The following TPD52L1 variants were observed in gnomAD, a reference collection of about 807,000 sequenced individuals.
TPD52L1 encodes the protein TPD52 like 1, also known as tumor protein D53.
In TPD52L1, 18 loss-of-function variants were observed where a neutral mutation model predicts 28.7. The observed-to-expected ratio is 0.63, with a 90% CI of 0.43 to 0.93. The LOEUF is 0.93. TPD52L1 is among the 40% of genes least tolerant of loss of function. The pLI is 0.00. For missense variants in TPD52L1, 203 were observed against 254.8 expected (o/e 0.80, Z 1.39); for synonymous variants, 75 against 88.8 (o/e 0.84, Z 0.88).
intron 1 of TPD52L1, among the ~76,000 whole-genome samples, chr6:125,200,498 A>T (rs1440519079): frequency 6.6e-6 from 1 of 152,230 alleles, no homozygotes; most frequent in Non-Finnish European, 1.5e-5. Flanking sequence ...ACAGTTATAT[A>T]CGTGCTTATT....
intron 1 of TPD52L1, among the ~76,000 whole-genome samples, chr6:125,219,306 GA>G (rs1313788717): frequency 1.3e-5 from 2 of 152,152 alleles, no homozygotes; most frequent in Admixed American, 1.3e-4. Context: ...TAACAAGTTA[GA>G]AGCTATTCTG....
In TPD52L1 at chr6:125,166,089, A is replaced by C. The variant is rs972518103; in HGVS notation, c.19+12119A>C. On this transcript the variant is annotated intron_variant, in intron 1 of 6. Coordinates refer to ENST00000534000, the MANE Select transcript of TPD52L1 (RefSeq NM_003287.4). ...ATGAGTATTATAATTACTTGTTTAC[A>C]TGGATATGTTTTATTCATTTAACCA... Among the ~76,000 whole-genome samples the C allele has an allele frequency of 3.9e-5, 6 of 152,180 alleles. No homozygotes were observed. In the South Asian group the frequency reaches 8.3e-4, roughly 21 times the overall value.
intron 1 of TPD52L1, among the ~76,000 whole-genome samples, chr6:125,192,752 G>A (rs182631316): frequency 6.6e-6 from 1 of 152,136 alleles, no homozygotes; most frequent in East Asian, 1.9e-4. Context: ...TTGGTGGCGG[G>A]CCTGAGTCTG....
rs116092685 is a variant in TPD52L1, at chr6:125,162,661, A to G, written c.19+8691A>G. ...CATGTTACTTACCATTAATATGACC[A>G]TGAACAAGTTATTCATTTCACTCAA... On this transcript the variant is annotated intron_variant, in intron 1 of 6. Transcript: ENST00000534000. 6.1e-3 allele frequency among the ~76,000 whole-genome samples: 925 copies of G among 152,306 alleles called. 5 individuals carry two copies. Among genetic ancestry groups the G allele is most frequent in the African/African-American group, 0.02 (844 of 41,566 alleles).
At chr6:125,247,890 AC>A (rs1393289063) in intron 3 of TPD52L1, among the ~76,000 whole-genome samples, 3 of 152,112 alleles carry the variant, frequency 2.0e-5, no homozygotes, top group Non-Finnish European at 2.9e-5. Flanking sequence ...TACCTTCAAA[AC>A]CTAAACCTGC....
chr6:125,178,827 G>A (rs1791993397), intron 1 of TPD52L1, among the ~76,000 whole-genome samples: 1 of 152,146 alleles, frequency 6.6e-6, no homozygotes, highest in Non-Finnish European at 1.5e-5. Context: ...TCCCAATAGA[G>A]AGGTGTTACA....
intron 4 of TPD52L1, among the ~76,000 whole-genome samples, chr6:125,250,319 G>A (rs1277964235): frequency 6.6e-6 from 1 of 152,182 alleles, no homozygotes; most frequent in Non-Finnish European, 1.5e-5. Flanking sequence ...GTCTGAGGTG[G>A]AGTCTAGGAA....
chr6:125,259,743 T>C (rs1258518308), intron 6 of TPD52L1, among the ~76,000 whole-genome samples: 1 of 152,228 alleles, frequency 6.6e-6, no homozygotes, highest in East Asian at 1.9e-4. Context: ...CATTACATGT[T>C]TTGTTTCTTT....
At chr6:125,235,101 C>CAAT (rs147249181) in intron 3 of TPD52L1, among the ~76,000 whole-genome samples, 16,260 of 142,470 alleles carry the variant, frequency 0.11, 2,628 homozygotes, top group African/African-American at 0.36. Context: ...CTACAAATAA[C>CAAT]AATAATAATA....
intron 1 of TPD52L1, among the ~76,000 whole-genome samples, chr6:125,216,864 A>T (rs2114951535): frequency 6.6e-6 from 1 of 152,160 alleles, no homozygotes; most frequent in South Asian, 2.1e-4. Flanking sequence ...CACACTATTG[A>T]TTCAGACATA....
intron 1 of TPD52L1, among the ~76,000 whole-genome samples, chr6:125,191,326 C>T (rs1219101086): frequency 6.6e-6 from 1 of 152,120 alleles, no homozygotes. Context: ...TGTCCACTTG[C>T]TTGATGTGTT....
intron 2 of TPD52L1, among the ~76,000 whole-genome samples, chr6:125,222,586 T>G (rs73771283): frequency 2.0e-5 from 3 of 152,154 alleles, no homozygotes; most frequent in African/African-American, 4.8e-5. Context: ...TCCTCGTCTC[T>G]TCTGTGAAAT....
At chr6:125,159,328 C>T (rs1790356159) in intron 1 of TPD52L1, among the ~76,000 whole-genome samples, 1 of 152,184 alleles carries the variant, frequency 6.6e-6, no homozygotes, top group African/African-American at 2.4e-5. Context: ...GAGTAGATTC[C>T]ATCTCAAGAA....
At chr6:125,165,059 G>A (rs1790783007) in intron 1 of TPD52L1, among the ~76,000 whole-genome samples, 1 of 66,002 alleles carries the variant, frequency 1.5e-5, no homozygotes, top group Admixed American at 1.8e-4. Flanking sequence ...CCCAGGCTAA[G>A]CAAAACCCCT....
chr6:125,249,083 GA>G (rs557482458), intron 4 of TPD52L1, among the ~76,000 whole-genome samples: 18 of 145,518 alleles, frequency 1.2e-4, no homozygotes, highest in South Asian at 2.2e-4. Context: ...GAGGCACCAG[GA>G]AAAAAAAAAT....
At chr6:125,158,507 G>GTTTA (rs1432594058) in intron 1 of TPD52L1, among the ~76,000 whole-genome samples, 1 of 152,054 alleles carries the variant, frequency 6.6e-6, no homozygotes, top group African/African-American at 2.4e-5. Context: ...ACATAAGGCA[G>GTTTA]TTTATATGGA....
chr6:125,231,157 A>G (rs1186033858), intron 3 of TPD52L1: 1 of 152,244 alleles, frequency 6.6e-6, no homozygotes, highest in Non-Finnish European at 1.5e-5. Flanking sequence ...AGGGTTTCGT[A>G]TAACACTGGT....
chr6:125,261,221 G>A (rs1798038555), intron 6 of TPD52L1: 1 of 151,962 alleles, frequency 6.6e-6, no homozygotes, highest in African/African-American at 2.4e-5. Flanking sequence ...ACCAAGCAGA[G>A]TACAAAAATT....
intron 1 of TPD52L1, among the ~76,000 whole-genome samples, chr6:125,164,195 G>T (rs543327221): frequency 6.6e-6 from 1 of 152,184 alleles, no homozygotes; most frequent in African/African-American, 2.4e-5. Context: ...TTTTCTATAT[G>T]ATCAAAGAGG....
Sources: gnomAD v4.1 joint callset for allele counts (sites outside exome capture counted in the v4.1 genomes callset) on GRCh38, gnomAD v4.1.1 for gene constraint, MANE v1.5 for transcripts, NCBI Gene and HGNC (gene_info 2026-07-23, HGNC 2026-07-21) for gene names.